Variants in SH2D3A observed in about 807,000 individuals in gnomAD.
The protein encoded by SH2D3A is SH2 domain-containing protein 3A.
A neutral mutation model predicts 50.6 loss-of-function variants in SH2D3A; 46 were observed. That is an observed-to-expected ratio of 0.91 (90% confidence interval 0.72 to 1.16). SH2D3A has a LOEUF of 1.16. Among genes scored for constraint, SH2D3A ranks in the 50% most tolerant of loss-of-function variants. SH2D3A has a pLI of 0.00. For synonymous variants in SH2D3A, 377 were observed against 348.4 expected, an observed-to-expected ratio of 1.08 and a Z score of -0.91; for missense variants, 783 against 786.2, an observed-to-expected ratio of 1.00 and a Z score of 0.05.
In SH2D3A at chr19:6,763,731, A is replaced by C; in HGVS notation, c.18T>G (p.Asp6Glu). The C allele has an allele frequency of 6.2e-7, 1 of 1,612,610 alleles. No individual in the cohort carries two copies. The stretch of plus-strand genomic sequence containing the variant: ...AAGGTTGGCCAGCAAGGTCTTCTCC[A>C]TCCTGTGGCACCTGCATGGAGCTCT... The part of the protein sequence containing the change: MQVPQ[D>E]GEDLAGQPWY... Residue 6 changes from aspartate to glutamate, a missense_variant, in exon 2 of 10, where the codon GAT (aspartate) becomes GAG (glutamate). Coordinates refer to ENST00000245908, the MANE Select transcript of SH2D3A (RefSeq NM_005490.3).
Position 6,755,209 on chromosome 19 carries a change from G to A in SH2D3A, c.603C>T (p.Ser201=), listed in dbSNP as rs911595724. ...LGTVADSLRA[S]DGQLQAKAPT... Reference sequence around the variant, plus strand: ...GTGCCTTGGCTTGAAGCTGCCCATCGGAGGCCCTGAGACTGTCGGCAACAG... The same window carrying A: ...GTGCCTTGGCTTGAAGCTGCCCATCAGAGGCCCTGAGACTGTCGGCAACAG... The change falls in exon 5 of 10, where the codon TCC becomes TCT. Residue 201 remains serine (S), a synonymous_variant. Coordinates refer to ENST00000245908, the MANE Select transcript of SH2D3A (RefSeq NM_005490.3). 8.9e-6 allele frequency: 14 copies of A among 1,576,248 alleles called. No homozygotes were observed. Among genetic ancestry groups the A allele is most frequent in the South Asian group, 5.9e-5 (5 of 85,022 alleles).
Position 6,754,345 on chromosome 19 carries a change from C to T in SH2D3A, c.1178G>A (p.Arg393Lys), listed in dbSNP as rs1317977908. ...CGCCAGCGCCAGCTCTACCAGTCCCCTCAGTGCGGCTGCGCGCTCCTCCAG... is the reference window on the plus strand; with the variant it reads ...CGCCAGCGCCAGCTCTACCAGTCCCTTCAGTGCGGCTGCGCGCTCCTCCAG... ...GPLEERAAAL[R>K]GLVELALALR... Residue 393 changes from arginine to lysine, a missense_variant, in exon 7 of 10, where the codon AGG becomes AAG. Transcript: ENST00000245908. The T allele has an allele frequency of 1.3e-6, 2 of 1,574,060 alleles. No individual in the cohort carries two copies. Among genetic ancestry groups the T allele is most frequent in the Non-Finnish European group, 1.7e-6 (2 of 1,166,554 alleles).
Position 6,754,605 on chromosome 19 carries a change from T to A in SH2D3A, c.1097+11A>T. 6.2e-7 allele frequency: 1 copy of A among 1,614,160 alleles called. No homozygotes were observed. The highest frequency in any genetic ancestry group is 8.5e-7 in the Non-Finnish European group (1 of 1,179,994). On this transcript the variant is annotated intron_variant, in intron 6 of 9. Transcript: ENST00000245908. ...GCCTCCCCCAACCAAGATTACAAGC[T>A]GCTGGCTCACCTCTCCAGCAGTTCC...
In SH2D3A at chr19:6,752,490, G is replaced by A. The variant is rs147604331; in HGVS notation, c.*103C>T. On this transcript the variant is annotated 3_prime_UTR_variant, in exon 10 of 10. Transcript: ENST00000245908. ...CACCTCTTCTGTGAGGCACAGGGCAGGATTCCACCTGAGGCGCGAGGAGCC... is the reference window on the plus strand; with the variant it reads ...CACCTCTTCTGTGAGGCACAGGGCAAGATTCCACCTGAGGCGCGAGGAGCC... 1,350 of 1,161,684 alleles carry A rather than the reference G, an allele frequency of 1.2e-3. 20 individuals carry two copies. In the African/African-American group the frequency reaches 0.019, roughly 16 times the overall value. 72.0% of individuals were successfully genotyped at this position (1,161,684 alleles called of 1,614,324 possible).
At chr19:6,759,272 C>A in intron 4 of SH2D3A, 1 of 266,962 alleles carries the variant, frequency 3.7e-6, no homozygotes, top group Non-Finnish European at 7.3e-6. Flanking sequence ...TGCCACCACG[C>A]TCGGCTAATT....
At chr19:6,756,070 C>CA (rs779733546) in intron 4 of SH2D3A, among the ~76,000 whole-genome samples, 1,977 of 96,820 alleles carry the variant, frequency 0.02, 44 homozygotes, top group African/African-American at 0.069. Context: ...GACCCTGTCT[C>CA]AAAAAAAAAA....
intron 1 of SH2D3A, 101 bp from the exon 2 acceptor site, chr19:6,763,917 T>TC (rs1970169712): frequency 2.3e-6 from 1 of 426,226 alleles, no homozygotes; most frequent in African/African-American, 2.2e-5. Flanking sequence ...TTTTTTTTTT[T>TC]TTTTTTTTTT....
At chr19:6,761,954 C>CAAAAAAAAAACAAAAAAAAAAAA (rs1970039820) in intron 2 of SH2D3A, among the ~76,000 whole-genome samples, 1 of 67,362 alleles carries the variant, frequency 1.5e-5, no homozygotes. Context: ...GTCTCAAAAA[C>CAAAAAAAAAACAAAAAAAAAAAA]AAAAAAAAAA....
intron 4 of SH2D3A, among the ~76,000 whole-genome samples, chr19:6,756,432 TTTC>T (rs1471826401): frequency 6.6e-6 from 1 of 151,340 alleles, no homozygotes; most frequent in Non-Finnish European, 1.5e-5. Flanking sequence ...TAAACTTTCT[TTTC>T]TTTTTTTTCT....
chr19:6,766,727 G>A (rs1970319316), intron 1 of SH2D3A, among the ~76,000 whole-genome samples: 1 of 152,192 alleles, frequency 6.6e-6, no homozygotes, highest in African/African-American at 2.4e-5. Context: ...AAGACAGACT[G>A]CAAACGAGCA....
intron 1 of SH2D3A, 38 bp from the exon 2 acceptor site, chr19:6,763,854 G>T: frequency 1.4e-6 from 1 of 725,214 alleles, no homozygotes. Flanking sequence ...TTGAGTGTCT[G>T]GGTCAGCTCC....
At chr19:6,763,864 C>T in intron 1 of SH2D3A, 48 bp from the exon 2 acceptor site, 15 of 494,228 alleles carry the variant, frequency 3.0e-5, no homozygotes, top group South Asian at 1.4e-4. Flanking sequence ...GGGTCAGCTC[C>T]TTTCATCCTC....
Position 6,754,860 on chromosome 19 carries a change from CGGTGCTCCCAGGAT to C in SH2D3A, c.938_951del (p.His313ArgfsTer130), listed in dbSNP as rs766269291. 1 of 1,598,158 alleles carries C rather than the reference CGGTGCTCCCAGGAT, an allele frequency of 6.3e-7. No individual in the cohort carries two copies. Among genetic ancestry groups the C allele is most frequent in the Admixed American group, 1.7e-5 (1 of 59,378 alleles). On this transcript the variant is annotated frameshift_variant, in exon 5 of 10. Transcript: ENST00000245908. LOFTEE classifies it high-confidence loss of function. ...CAGTCTACCAATAGCAGGTGAAGGGCGGTGCTCCCAGGATGGTGCTCCAGGAACAGGCCACGGAG... is the reference window on the plus strand; with the variant it reads ...CAGTCTACCAATAGCAGGTGAAGGGCGGTGCTCCAGGAACAGGCCACGGAG...
At chr19:6,761,089 C>A (rs1009328750) in intron 2 of SH2D3A, 102 bp from the exon 3 acceptor site, 5 of 939,706 alleles carry the variant, frequency 5.3e-6, no homozygotes, top group Non-Finnish European at 7.8e-6. Flanking sequence ...AGAAAAGCTA[C>A]CCCAGTGAAA....
chr19:6,752,597 C>A lies in SH2D3A; in HGVS notation c.1727G>T (p.Arg576Leu), dbSNP rs868594500. ...GVLSQRLEPD[R>L] ...TGAAGAAGGGTGTCTGCGCTCTCAG[C>A]GGTCAGGCTCCAGGCGCTGCGACAG... The change falls in exon 10 of 10, where the codon CGC becomes CTC. Residue 576 changes from arginine to leucine, a missense_variant. Coordinates refer to ENST00000245908, the MANE Select transcript of SH2D3A (RefSeq NM_005490.3). 1 of 1,547,586 alleles carries A rather than the reference C, an allele frequency of 6.5e-7. No homozygotes were observed. The highest frequency in any genetic ancestry group is 2.4e-5 in the East Asian group (1 of 42,354).
In SH2D3A at chr19:6,761,258, T is replaced by G. The variant is rs557467965; in HGVS notation, c.70-271A>C. 13 of 421,428 alleles carry G rather than the reference T, an allele frequency of 3.1e-5. No homozygotes were observed. In the South Asian group the frequency reaches 4.2e-4, roughly 14 times the overall value. 26.1% of individuals were successfully genotyped at this position (421,428 alleles called of 1,614,324 possible). A position where few individuals can be genotyped will look rare whatever the true frequency, so the allele number is the denominator to read the frequency against. ...TGTGGGGTAGAAGGGCTATGGGAAA[T>G]ATCCAGACCTGGCGCATAAAACCCT... On this transcript the variant is annotated intron_variant, in intron 2 of 9. Transcript: ENST00000245908.
At chr19:6,767,031 G>A (rs1466778925) in intron 1 of SH2D3A, among the ~76,000 whole-genome samples, 1 of 152,178 alleles carries the variant, frequency 6.6e-6, no homozygotes, top group African/African-American at 2.4e-5. Flanking sequence ...GGAGGGCAAT[G>A]AGGTTGGAGA....
chr19:6,754,222 G>C, intron 7 of SH2D3A, 29 bp downstream of exon 7: 1 of 1,605,782 alleles, frequency 6.2e-7, no homozygotes, highest in Non-Finnish European at 8.5e-7. Context: ...CCGCACTCCA[G>C]CTTCCTCCAG....
chr19:6,755,282 C>A lies in SH2D3A; in HGVS notation c.530G>T (p.Arg177Leu). Residue 177 changes from arginine (R) to leucine (L), a missense_variant, in exon 5 of 10, where the codon CGA (arginine) becomes CTA (leucine). By Grantham distance (102) the Arg-to-Leu change is moderately radical (BLOSUM62 -2). Transcript: ENST00000245908. ...ASTMPISALP[R>L]TSSDPVLLKA... ...CAGCAACACCGGGTCACTGCTCGTT[C>A]GGGGCAAGGCAGATATGGGCATGGT... 6.6e-7 allele frequency: 1 copy of A among 1,517,386 alleles called. No homozygotes were observed. Among genetic ancestry groups the A allele is most frequent in the South Asian group, 1.3e-5 (1 of 75,444 alleles). 94.0% of individuals were successfully genotyped at this position (1,517,386 alleles called of 1,614,324 possible).
Sources: allele counts gnomAD v4.1 joint callset (sites outside exome capture counted in the v4.1 genomes callset), GRCh38; gene constraint gnomAD v4.1.1; transcripts MANE v1.5; gene names NCBI Gene and HGNC (gene_info 2026-07-23, HGNC 2026-07-21).